The following ZBTB20 variants were observed in gnomAD, a reference collection of about 807,000 sequenced individuals.
ZBTB20 encodes zinc finger and BTB domain-containing protein 20.
Under a neutral mutation model 56.9 loss-of-function variants are expected in ZBTB20, and 9 were observed. The observed-to-expected ratio is 0.16, with a 90% CI of 0.10 to 0.28. The LOEUF (loss-of-function observed/expected upper bound fraction) is 0.28, where lower values mean the gene tolerates loss of function less well. ZBTB20 is among the 10% of genes least tolerant of loss of function. The pLI is 1.00. For synonymous variants in ZBTB20, 417 were observed against 420.7 expected (o/e 0.99, Z 0.11); for missense variants, 655 against 1,003.0 (o/e 0.65, Z 4.69).
In ZBTB20 at chr3:114,339,130, C is replaced by T; in HGVS notation, c.2101G>A (p.Ala701Thr). The T allele has an allele frequency of 1.2e-6, 2 of 1,611,890 alleles. No individual in the cohort carries two copies. Among genetic ancestry groups the T allele is most frequent in the Non-Finnish European group, 1.7e-6 (2 of 1,178,516 alleles). Residue 701 changes from alanine (A) to threonine (T), a missense_variant, in exon 12 of 12, where the codon GCT (alanine) becomes ACT (threonine). By Grantham distance (58) the Ala-to-Thr change is moderately conservative. Coordinates refer to ENST00000675478, the MANE Select transcript of ZBTB20 (RefSeq NM_001348800.3). The surrounding 1 kb of genome is among the most constrained non-coding windows in gnomAD (Gnocchi z 4.2). ...CAGGCCACCACGCCTGGGGGGCCAG[C>T]GCGGGCACCTGGGGGTGTGCCTGCA... is the stretch of plus-strand genomic sequence containing the variant. ...PPAGTPPGAR[A>T]GPPGVVACTE...
At chr3:114,910,307 A>G (rs1000801411) in intron 3 of ZBTB20, among the ~76,000 whole-genome samples, 5 of 141,410 alleles carry the variant, frequency 3.5e-5, no homozygotes, top group African/African-American at 5.4e-5. Context: ...GCACGCGTGC[A>G]CACACACACA....
At chr3:114,694,736 AC>A (rs1488990124) in intron 5 of ZBTB20, among the ~76,000 whole-genome samples, 1 of 152,082 alleles carries the variant, frequency 6.6e-6, no homozygotes, top group Non-Finnish European at 1.5e-5. Context: ...AATGAGGATC[AC>A]CAAAGTAGCT....
At chr3:115,086,530 A>G (rs2082992149) in intron 1 of ZBTB20, among the ~76,000 whole-genome samples, 1 of 151,796 alleles carries the variant, frequency 6.6e-6, no homozygotes, top group Non-Finnish European at 1.5e-5. Flanking sequence ...TTGTCAGCCA[A>G]CCCTACAAGG....
intron 6 of ZBTB20, among the ~76,000 whole-genome samples, chr3:114,515,601 C>G (rs2045897692): frequency 6.6e-6 from 1 of 152,158 alleles, no homozygotes; most frequent in Admixed American, 6.6e-5. Flanking sequence ...ATAACCCATC[C>G]CCTACCCTTC....
intron 7 of ZBTB20, among the ~76,000 whole-genome samples, chr3:114,475,459 A>G (rs1348707920): frequency 6.6e-6 from 1 of 152,212 alleles, no homozygotes; most frequent in African/African-American, 2.4e-5. Flanking sequence ...TGCCAAGTAT[A>G]CAAGTGCACG....
chr3:114,952,193 T>C (rs1226748900), intron 3 of ZBTB20, among the ~76,000 whole-genome samples: 2 of 152,086 alleles, frequency 1.3e-5, no homozygotes, highest in Non-Finnish European at 2.9e-5. Context: ...TGTAACAGTG[T>C]TGAGTATCAG....
At chr3:114,401,588 T>A (rs2086831674) in intron 7 of ZBTB20, among the ~76,000 whole-genome samples, 2 of 152,172 alleles carry the variant, frequency 1.3e-5, no homozygotes, top group Admixed American at 1.3e-4. Flanking sequence ...ATGCAGACTA[T>A]GTAATGTCAG....
intron 11 of ZBTB20, 61 bp downstream of exon 11, chr3:114,350,213 C>T: frequency 6.5e-7 from 1 of 1,538,244 alleles, no homozygotes; most frequent in South Asian, 1.3e-5. Flanking sequence ...GCTCTCTTAC[C>T]TTGCCTTCCC....
chr3:114,838,871 G>A (rs2074244677), intron 4 of ZBTB20, among the ~76,000 whole-genome samples: 1 of 152,092 alleles, frequency 6.6e-6, no homozygotes, highest in African/African-American at 2.4e-5. Context: ...AGGCAAACAA[G>A]GATGTCTTTA....
At chr3:115,147,043 G>A (rs1303336229) in intron 1 of ZBTB20, among the ~76,000 whole-genome samples, 176 bp downstream of exon 1, 1 of 149,462 alleles carries the variant, frequency 6.7e-6, no homozygotes, top group East Asian at 2.0e-4. Flanking sequence ...TCCAGCTCAG[G>A]GCCCGCTGGC....
intron 1 of ZBTB20, among the ~76,000 whole-genome samples, chr3:115,076,229 C>T (rs922437985): frequency 2.0e-5 from 3 of 152,074 alleles, no homozygotes; most frequent in African/African-American, 4.8e-5. Flanking sequence ...CATGGAACCA[C>T]AAATACCATG....
chr3:114,501,039 A>G (rs191806202), intron 6 of ZBTB20, among the ~76,000 whole-genome samples: 1 of 152,322 alleles, frequency 6.6e-6, no homozygotes, highest in African/African-American at 2.4e-5. Context: ...AATGTCCAGA[A>G]GTTCCTCTGA....
intron 5 of ZBTB20, among the ~76,000 whole-genome samples, chr3:114,792,876 CTTTTT>C (rs71146337): frequency 8.4e-5 from 10 of 119,678 alleles, no homozygotes; most frequent in Admixed American, 8.5e-5. Context: ...TTTTCTTTTT[CTTTTT>C]TTTTTTTTTT....
At position 114,939,324 on chromosome 3, in the gene ZBTB20, T is replaced by A. The variant is rs1056432629; in HGVS notation, c.-456+35042A>T. Among the ~76,000 whole-genome samples the A allele has an allele frequency of 3.4e-5, 5 of 146,410 alleles. 2 individuals carry two copies. Among genetic ancestry groups the A allele is most frequent in the African/African-American group, 1.4e-4 (5 of 36,026 alleles). Reference sequence around the variant, plus strand: ...CAATTTAAATGTCCAAGCATAAGGATTGATTAAGCAGCTATAGTATGTCTA... The same window carrying A: ...CAATTTAAATGTCCAAGCATAAGGAATGATTAAGCAGCTATAGTATGTCTA... On this transcript the variant is annotated intron_variant, in intron 3 of 11. Coordinates refer to ENST00000675478, the MANE Select transcript of ZBTB20 (RefSeq NM_001348800.3).
chr3:114,748,326 CTTTCTTTCTTCT>C (rs762555014), intron 5 of ZBTB20, among the ~76,000 whole-genome samples: 2 of 99,880 alleles, frequency 2.0e-5, no homozygotes, highest in South Asian at 3.6e-4. Flanking sequence ...TTCTTTCTTT[CTTTCTTTCTTCT>C]TTCTTTCTTT....
intron 6 of ZBTB20, among the ~76,000 whole-genome samples, chr3:114,608,275 C>A (rs1396466092): frequency 6.6e-6 from 1 of 152,096 alleles, no homozygotes; most frequent in African/African-American, 2.4e-5. Flanking sequence ...ATTAATAAAT[C>A]ATTTCCCCTA....
At chr3:114,748,333 TCTTCTTTCTTTCTTTCTTTTC>T (rs2067256624) in intron 5 of ZBTB20, among the ~76,000 whole-genome samples, 4 of 94,240 alleles carry the variant, frequency 4.2e-5, no homozygotes, top group African/African-American at 1.7e-4. Context: ...TTTCTTTCTT[TCTTCTTTCTTTCTTTCTTTTC>T]TCTCTCTCTC....
At chr3:115,058,762 T>C (rs1236607020) in intron 2 of ZBTB20, among the ~76,000 whole-genome samples, 1 of 152,146 alleles carries the variant, frequency 6.6e-6, no homozygotes, top group Non-Finnish European at 1.5e-5. Context: ...CAAGTAATTT[T>C]TCTTCCTTCC....
rs1315526317 is a variant in ZBTB20 at position 114,337,872 on chromosome 3, C to G, written c.*1133G>C. On this transcript the variant is annotated 3_prime_UTR_variant, in exon 12 of 12. Transcript: ENST00000675478. ...GGAATTGGTGGCAGTGTATGCAAAA[C>G]CAAAATGAAAAAAATTACTTTTAAC... 2 of 150,224 alleles carry G rather than the reference C, an allele frequency of 1.3e-5. No homozygotes were observed. The highest frequency in any genetic ancestry group is 4.9e-5 in the African/African-American group (2 of 40,994). 9.3% of individuals were successfully genotyped at this position (150,224 alleles called of 1,614,324 possible).
Sources: allele counts gnomAD v4.1 joint callset (sites outside exome capture counted in the v4.1 genomes callset), GRCh38; gene constraint gnomAD v4.1.1; non-coding constraint Gnocchi (gnomAD v3.1); transcripts MANE v1.5; gene names NCBI Gene and HGNC (gene_info 2026-07-23, HGNC 2026-07-21).